Variants in ZNF532 observed in about 807,000 individuals in gnomAD.
ZNF532 encodes the protein zinc finger protein 532.
ZNF532 carries 22 observed loss-of-function variants against 89.3 expected under a neutral mutation model. The observed-to-expected ratio is 0.25, with a 90% CI of 0.18 to 0.35. ZNF532 has a LOEUF of 0.35. ZNF532 is among the 10% of genes least tolerant of loss of function. The pLI is 1.00. For missense variants in ZNF532, 1,132 were observed against 1,643.4 expected, an observed-to-expected ratio of 0.69 and a Z score of 5.38; for synonymous variants, 606 against 649.6, an observed-to-expected ratio of 0.93 and a Z score of 1.02.
chr18:58,937,522 C>G (rs1167927362), intron 4 of ZNF532, among the ~76,000 whole-genome samples: 1 of 152,216 alleles, frequency 6.6e-6, no homozygotes, highest in South Asian at 2.1e-4. Flanking sequence ...ATTAAACCTT[C>G]CTCTCACTCC....
intron 2 of ZNF532, among the ~76,000 whole-genome samples, chr18:58,878,648 A>G (rs1053005920): frequency 6.6e-6 from 1 of 152,242 alleles, no homozygotes; most frequent in Non-Finnish European, 1.5e-5. Context: ...AGGGGTGTGC[A>G]TTGGGAGAGG....
At chr18:58,886,777 A>G (rs1000096945) in intron 2 of ZNF532, among the ~76,000 whole-genome samples, 2 of 152,186 alleles carry the variant, frequency 1.3e-5, no homozygotes, top group African/African-American at 4.8e-5. Context: ...CTATGCCCTG[A>G]GATCAATGAC....
At chr18:58,895,498 A>G (rs1345264734) in intron 2 of ZNF532, among the ~76,000 whole-genome samples, 3 of 152,238 alleles carry the variant, frequency 2.0e-5, no homozygotes, top group Non-Finnish European at 4.4e-5. Context: ...TTGTTTAACC[A>G]TTTGACCCTA....
chr18:58,978,962 A>G, intron 7 of ZNF532, 93 bp from the exon 8 acceptor site: 2 of 1,034,434 alleles, frequency 1.9e-6, no homozygotes, highest in Admixed American at 2.0e-5. Context: ...GACCTGTAAT[A>G]ATGATTTAAC....
intron 3 of ZNF532, among the ~76,000 whole-genome samples, chr18:58,921,283 A>G (rs1193275273): frequency 1.3e-5 from 2 of 152,144 alleles, no homozygotes; most frequent in African/African-American, 4.8e-5. Context: ...TGTATTAAGT[A>G]TTTGAGCCCG....
chr18:58,934,651 G>T lies in ZNF532; in HGVS notation c.2528+37G>T, dbSNP rs549859281. ...ATTCACTTATGTGCAAGTAAAACTC[G>T]TTCACTTACAACCGCACAGCATTTT... On this transcript the variant is annotated intron_variant, in intron 4 of 9. Transcript: ENST00000591808. 30 of 1,586,328 alleles carry T rather than the reference G, an allele frequency of 1.9e-5. 1 individual carries two copies. The South Asian group carries it at 2.9e-4, about 15-fold the overall frequency.
rs116744416 is a variant in ZNF532, at chr18:58,884,791, G to T, written c.-18+19212G>T. Among the ~76,000 whole-genome samples, 1,288 of 152,178 alleles carry T rather than the reference G, an allele frequency of 8.5e-3. 19 individuals carry two copies. Among genetic ancestry groups the T allele is most frequent in the African/African-American group, 0.03 (1,236 of 41,498 alleles). On this transcript the variant is annotated intron_variant, in intron 2 of 9. Transcript: ENST00000591808. ...TCATTAAGGGAAAAAAAGGCAGTTT[G>T]TATCTAAACAGTAAAGAAATTTATA...
At chr18:58,941,469 T>TC (rs548043774) in intron 5 of ZNF532, among the ~76,000 whole-genome samples, 44 of 29,774 alleles carry the variant, frequency 1.5e-3, no homozygotes, top group East Asian at 3.7e-3. Flanking sequence ...TCTCTCTCTC[T>TC]TTTTTTTTTT....
chr18:58,960,504 G>A (rs1365483147), intron 7 of ZNF532, among the ~76,000 whole-genome samples: 3 of 152,240 alleles, frequency 2.0e-5, no homozygotes, highest in African/African-American at 7.2e-5. Context: ...CTTGAGCACA[G>A]CCATTTCAGA....
chr18:58,963,783 C>T (rs947942347), intron 7 of ZNF532, among the ~76,000 whole-genome samples: 6 of 144,022 alleles, frequency 4.2e-5, no homozygotes, highest in Non-Finnish European at 8.9e-5. Context: ...AGTCGTGTCA[C>T]TGCACTCCAG....
intron 2 of ZNF532, among the ~76,000 whole-genome samples, chr18:58,901,350 A>T (rs184289453): frequency 6.4e-4 from 98 of 152,240 alleles, no homozygotes; most frequent in Admixed American, 5.6e-3. Context: ...AGCCTTCCAA[A>T]GTGGGATTAC....
At chr18:58,868,348 A>C (rs561360131) in intron 2 of ZNF532, among the ~76,000 whole-genome samples, 17 of 152,276 alleles carry the variant, frequency 1.1e-4, no homozygotes, top group Non-Finnish European at 2.4e-4. Context: ...AAATTTGTGT[A>C]CAGGAAAATT....
At chr18:58,963,049 C>T (rs1346490737) in intron 7 of ZNF532, among the ~76,000 whole-genome samples, 1 of 152,158 alleles carries the variant, frequency 6.6e-6, no homozygotes, top group Non-Finnish European at 1.5e-5. Flanking sequence ...AGCACCAACA[C>T]ACCTTTGTTG....
intron 2 of ZNF532, among the ~76,000 whole-genome samples, chr18:58,871,843 G>T (rs1385458613): frequency 6.6e-6 from 1 of 152,216 alleles, no homozygotes; most frequent in Non-Finnish European, 1.5e-5. Context: ...TATTTTATTG[G>T]GCACTGGGGT....
chr18:58,978,633 A>G (rs567310125), intron 7 of ZNF532, among the ~76,000 whole-genome samples: 5 of 152,108 alleles, frequency 3.3e-5, no homozygotes, highest in Admixed American at 2.6e-4. Flanking sequence ...ATATATTTTT[A>G]AAAAGTTTTT....
chr18:58,907,452 G>A (rs1366946045), intron 2 of ZNF532, among the ~76,000 whole-genome samples: 1 of 151,968 alleles, frequency 6.6e-6, no homozygotes, highest in Non-Finnish European at 1.5e-5. Flanking sequence ...GCCTCCCAAA[G>A]TGCTGGGATT....
chr18:58,941,024 A>G (rs996146932), intron 5 of ZNF532, among the ~76,000 whole-genome samples: 3 of 148,532 alleles, frequency 2.0e-5, no homozygotes, highest in Non-Finnish European at 3.0e-5. Flanking sequence ...GTTTTGGGGA[A>G]ATGTGATTGA....
chr18:58,886,341 G>A (rs1212644930), intron 2 of ZNF532, among the ~76,000 whole-genome samples: 3 of 152,044 alleles, frequency 2.0e-5, no homozygotes, highest in African/African-American at 4.8e-5. Context: ...ATATAAAAAC[G>A]TATGCTTATT....
intron 7 of ZNF532, among the ~76,000 whole-genome samples, 175 bp from the exon 8 acceptor site, chr18:58,978,880 A>G (rs1239247770): frequency 6.6e-6 from 1 of 152,164 alleles, no homozygotes; most frequent in Non-Finnish European, 1.5e-5. Context: ...TCTGACTGTG[A>G]CCCGTCACAT....
Sources: gnomAD v4.1 joint callset for allele counts (sites outside exome capture counted in the v4.1 genomes callset) on GRCh38, gnomAD v4.1.1 for gene constraint, MANE v1.5 for transcripts, NCBI Gene and HGNC (gene_info 2026-07-23, HGNC 2026-07-21) for gene names.